TMTC2: variants seen among roughly 807,000 people sequenced by gnomAD.
The protein encoded by TMTC2 is protein O-mannosyl-transferase TMTC2.
Under a neutral mutation model 82.4 loss-of-function variants are expected in TMTC2, and 43 were observed. That is an observed-to-expected ratio of 0.52 (90% CI 0.41 to 0.67). The LOEUF is 0.67. Ranked by LOEUF, TMTC2 falls within the 30% of genes least tolerant of loss-of-function variation. The probability of loss-of-function intolerance (pLI) is 0.00; values close to 1 mark genes in which losing one functional copy is unlikely to be tolerated. For missense variants in TMTC2, 919 were observed against 1,012.4 expected, an observed-to-expected ratio of 0.91 and a Z score of 1.25; for synonymous variants, 408 against 381.9, an observed-to-expected ratio of 1.07 and a Z score of -0.80.
intron 1 of TMTC2, among the ~76,000 whole-genome samples, chr12:82,793,330 A>G (rs1045588656): frequency 1.3e-5 from 2 of 150,202 alleles, no homozygotes; most frequent in South Asian, 4.2e-4. Flanking sequence ...TCTTTTTCTC[A>G]GGATAAGAAA....
chr12:83,113,658 T>A (rs1884666696), intron 11 of TMTC2, among the ~76,000 whole-genome samples: 1 of 152,234 alleles, frequency 6.6e-6, no homozygotes, highest in Non-Finnish European at 1.5e-5. Context: ...TTGTTTGGTG[T>A]GCCCTGATGG....
intron 4 of TMTC2, among the ~76,000 whole-genome samples, chr12:82,936,889 T>A (rs1452290000): frequency 6.6e-6 from 1 of 150,728 alleles, no homozygotes; most frequent in Admixed American, 6.6e-5. Flanking sequence ...TTGCACTGAT[T>A]TTTTTAAATA....
At chr12:82,987,640 A>G (rs1449462069) in intron 8 of TMTC2, among the ~76,000 whole-genome samples, 1 of 152,130 alleles carries the variant, frequency 6.6e-6, no homozygotes, top group Non-Finnish European at 1.5e-5. Context: ...CCTGCAGCTC[A>G]TCTGGGATTA....
chr12:82,952,215 T>A (rs568866014), intron 4 of TMTC2, among the ~76,000 whole-genome samples: 106 of 152,302 alleles, frequency 7.0e-4, no homozygotes, highest in East Asian at 3.5e-3. Context: ...CTTAAAAAAA[T>A]ACTACTAATG....
intron 3 of TMTC2, among the ~76,000 whole-genome samples, chr12:82,902,982 G>A (rs1874099913): frequency 6.6e-6 from 1 of 152,178 alleles, no homozygotes; most frequent in Non-Finnish European, 1.5e-5. Context: ...AGGACCCTGT[G>A]TATACTCACC....
intron 11 of TMTC2, among the ~76,000 whole-genome samples, chr12:83,120,896 A>T (rs758826110): frequency 2.5e-4 from 38 of 152,086 alleles, no homozygotes; most frequent in Non-Finnish European, 3.7e-4. Flanking sequence ...TAATTTGAAG[A>T]CCTTGTCTTC....
At position 82,835,235 on chromosome 12, in the gene TMTC2, T is replaced by C. The variant is rs559756875; in HGVS notation, c.84-21775T>C. Among the ~76,000 whole-genome samples, 10 of 152,336 alleles carry C rather than the reference T, an allele frequency of 6.6e-5. No homozygotes were observed. The East Asian group carries it at 1.7e-3, about 26-fold the overall frequency. On this transcript the variant is annotated intron_variant, in intron 1 of 11. Coordinates refer to ENST00000321196, the MANE Select transcript of TMTC2 (RefSeq NM_152588.3). Reference sequence around the variant, plus strand: ...TATTATGTGTGCCAAATATAATACATAACAATACTGAGAAAATACTTTAAG... The same window carrying C: ...TATTATGTGTGCCAAATATAATACACAACAATACTGAGAAAATACTTTAAG...
rs138917064 is a variant in TMTC2, at chr12:82,808,466, A to T, written c.84-48544A>T. Among the ~76,000 whole-genome samples the T allele has an allele frequency of 4.0e-3, 604 of 152,222 alleles. 5 individuals are homozygous for T. Among genetic ancestry groups the T allele is most frequent in the Non-Finnish European group, 5.8e-3 (391 of 67,968 alleles). ...ATGTATATCATCTTATTTAATCTTT[A>T]ACCAGGTAGTGAAGGAATTATTGCT... On this transcript the variant is annotated intron_variant, in intron 1 of 11. Coordinates refer to ENST00000321196, the MANE Select transcript of TMTC2 (RefSeq NM_152588.3).
intron 4 of TMTC2, among the ~76,000 whole-genome samples, chr12:82,963,525 G>A (rs1040690539): frequency 6.6e-6 from 1 of 151,148 alleles, no homozygotes; most frequent in Non-Finnish European, 1.5e-5. Flanking sequence ...TTGTAGAAAA[G>A]TTTCAGAAGT....
intron 8 of TMTC2, among the ~76,000 whole-genome samples, chr12:83,016,428 C>A (rs1405690291): frequency 2.0e-5 from 3 of 152,122 alleles, no homozygotes; most frequent in Non-Finnish European, 4.4e-5. Flanking sequence ...AGAAGTCCTG[C>A]TTTCTGTTTT....
intron 8 of TMTC2, among the ~76,000 whole-genome samples, chr12:82,992,115 C>T (rs967206652): frequency 7.9e-5 from 12 of 152,138 alleles, no homozygotes; most frequent in African/African-American, 2.9e-4. Flanking sequence ...GTTAATTAGG[C>T]TACATAAAAC....
At chr12:82,817,003 T>C (rs1445584482) in intron 1 of TMTC2, among the ~76,000 whole-genome samples, 2 of 151,252 alleles carry the variant, frequency 1.3e-5, no homozygotes, top group African/African-American at 4.9e-5. Flanking sequence ...GTTTCACTCT[T>C]GTCGCCCAGG....
At chr12:83,132,123 T>C in intron 11 of TMTC2, 87 bp from the exon 12 acceptor site, 2 of 1,449,138 alleles carry the variant, frequency 1.4e-6, no homozygotes, top group South Asian at 1.4e-5. Flanking sequence ...AGGGAATTAT[T>C]TGCATAAGTG....
intron 11 of TMTC2, among the ~76,000 whole-genome samples, chr12:83,072,266 G>A (rs1883145495): frequency 6.6e-6 from 1 of 152,116 alleles, no homozygotes; most frequent in South Asian, 2.1e-4. Flanking sequence ...TTTTGACCCA[G>A]TGCTCATTCA....
rs1168729881 is a variant in TMTC2 at position 82,719,271 on chromosome 12, T to C, written c.83+31602T>C. Among the ~76,000 whole-genome samples, 3 of 151,418 alleles carry C rather than the reference T, an allele frequency of 2.0e-5. No homozygotes were observed. In the East Asian group the frequency reaches 5.8e-4, roughly 29 times the overall value. On this transcript the variant is annotated intron_variant, in intron 1 of 11. Transcript: ENST00000321196. ...ACCACACCCGGCTAATTTTTGTATT[T>C]TCAGTAGAGACGGGGTTTCACCATC...
chr12:82,812,627 G>C (rs1235260230), intron 1 of TMTC2, among the ~76,000 whole-genome samples: 2 of 152,042 alleles, frequency 1.3e-5, no homozygotes, highest in African/African-American at 2.4e-5. Flanking sequence ...ATTATGGAAA[G>C]CATCTTTTAC....
chr12:82,912,421 G>C (rs998587110), intron 3 of TMTC2, among the ~76,000 whole-genome samples: 1 of 152,034 alleles, frequency 6.6e-6, no homozygotes, highest in Admixed American at 6.6e-5. Context: ...ACCTCTCCTT[G>C]CTTAGGATAA....
At chr12:83,006,555 G>C (rs1880213360) in intron 8 of TMTC2, among the ~76,000 whole-genome samples, 1 of 152,106 alleles carries the variant, frequency 6.6e-6, no homozygotes, top group South Asian at 2.1e-4. Flanking sequence ...ATTCCTCAAG[G>C]ATCTAGAACT....
intron 11 of TMTC2, among the ~76,000 whole-genome samples, chr12:83,114,395 T>C (rs1369801617): frequency 4.6e-5 from 7 of 152,120 alleles, no homozygotes; most frequent in African/African-American, 1.7e-4. Context: ...ATCTCAGACT[T>C]CCAGACTCCA....
Sources: gnomAD v4.1 joint callset for allele counts (sites outside exome capture counted in the v4.1 genomes callset) on GRCh38, gnomAD v4.1.1 for gene constraint, MANE v1.5 for transcripts, NCBI Gene and HGNC (gene_info 2026-07-23, HGNC 2026-07-21) for gene names.